The following KATNAL2 variants were observed in gnomAD, a reference collection of about 807,000 sequenced individuals.
The protein encoded by KATNAL2 is katanin p60 ATPase-containing subunit A-like 2.
Under a neutral mutation model 76.3 loss-of-function variants are expected in KATNAL2, and 52 were observed. That is an observed-to-expected ratio of 0.68 (90% CI 0.55 to 0.86). KATNAL2 has a LOEUF of 0.86. Ranked by LOEUF, KATNAL2 falls within the 40% of genes least tolerant of loss-of-function variation. The pLI is 0.00. For synonymous variants in KATNAL2, 243 were observed against 244.2 expected (o/e 1.00, Z 0.05); for missense variants, 660 against 668.9 (o/e 0.99, Z 0.15).
In KATNAL2 at chr18:47,064,504, C is replaced by T. The variant is rs1214844938; in HGVS notation, c.726+1143C>T. 2.0e-5 allele frequency among the ~76,000 whole-genome samples: 3 copies of T among 152,080 alleles called. No individual in the cohort carries two copies. The East Asian group carries it at 5.8e-4, about 30-fold the overall frequency. ...GAAGAGGGGACCTTAGAAAGGCGCC[C>T]GTCGGAGGATGGGATCATCCCATGT... On this transcript the variant is annotated intron_variant, in intron 10 of 17. Transcript: ENST00000683218.
Position 47,059,606 on chromosome 18 carries a change from A to G in KATNAL2, c.501A>G (p.Ile167Met). ...RLESANFGLH[I>M]SRIRKDSGEE... Reference sequence around the variant, plus strand: ...AAAGTGCCAACTTCGGCCTACATATATCAAGAATCCGTAAAGACAGTGGAG... The same window carrying G: ...AAAGTGCCAACTTCGGCCTACATATGTCAAGAATCCGTAAAGACAGTGGAG... Residue 167 changes from isoleucine (I) to methionine (M), a missense_variant, in exon 8 of 18, where the codon ATA (isoleucine) becomes ATG (methionine). Transcript: ENST00000683218. 1 of 1,613,788 alleles carries G rather than the reference A, an allele frequency of 6.2e-7. No individual in the cohort carries two copies. Among genetic ancestry groups the G allele is most frequent in the East Asian group, 2.2e-5 (1 of 44,876 alleles).
intron 3 of KATNAL2, chr18:47,034,039 T>A: frequency 6.2e-7 from 1 of 1,614,218 alleles, no homozygotes; most frequent in Non-Finnish European, 8.5e-7. Context: ...CCTTTGTTTA[T>A]CTCCAAGTGC....
At position 46,948,426 on chromosome 18, in the gene KATNAL2, CT is replaced by C. The variant is rs11400104; in HGVS notation, c.51+1518del. ...CATGCCTGGCCGACTTCTTCTTCTT[CT>C]TTTTTTTTTTTTTTGAGTCGGAGTT... On this transcript the variant is annotated intron_variant, in intron 3 of 17. Coordinates refer to ENST00000683218, the MANE Select transcript of KATNAL2 (RefSeq NM_001387690.1). 8.5e-3 allele frequency among the ~76,000 whole-genome samples: 1,159 copies of C among 136,186 alleles called. 5 individuals carry two copies. Among genetic ancestry groups the C allele is most frequent in the African/African-American group, 0.024 (908 of 37,084 alleles). The allele number at this position is 136,186 out of a possible 152,430, so 89.3% of individuals were successfully genotyped here. A position where few individuals can be genotyped will look rare whatever the true frequency, so the allele number is the denominator to read the frequency against.
chr18:47,100,784 AAAG>A (rs2063423281), intron 17 of KATNAL2, 79 bp from the exon 18 acceptor site: 3 of 1,506,134 alleles, frequency 2.0e-6, no homozygotes, highest in Non-Finnish European at 2.8e-6. Flanking sequence ...CATTATTTTG[AAAG>A]AAGGTCTATT....
intron 15 of KATNAL2, among the ~76,000 whole-genome samples, chr18:47,096,943 GCATGGTTAA>G (rs1405376010): frequency 6.6e-6 from 1 of 151,898 alleles, no homozygotes; most frequent in Non-Finnish European, 1.5e-5. Flanking sequence ...TTCAAGACCA[GCATGGTTAA>G]CATGGTGAAA....
chr18:46,946,366 G>A lies in KATNAL2; in HGVS notation c.-200G>A. 1 of 1,026,482 alleles carries A rather than the reference G, an allele frequency of 9.7e-7. No individual in the cohort carries two copies. The highest frequency in any genetic ancestry group is 1.2e-6 in the Non-Finnish European group (1 of 853,086). The allele number at this position is 1,026,482 out of a possible 1,614,324, so 63.6% of individuals were successfully genotyped here. A position where few individuals can be genotyped will look rare whatever the true frequency, so the allele number is the denominator to read the frequency against. ...GCTCTTGACAACCAAAGTGTCCACA[G>A]CAGATTCGTCCAGTCTAGATAGACC... On this transcript the variant is annotated 5_prime_UTR_variant, in exon 2 of 18. Transcript: ENST00000683218.
At chr18:47,033,086 T>G in intron 3 of KATNAL2, 2 of 1,614,044 alleles carry the variant, frequency 1.2e-6, no homozygotes, top group Non-Finnish European at 1.7e-6. Context: ...TGTTTCCGGG[T>G]TTTGGCCGCG....
intron 1 of KATNAL2, among the ~76,000 whole-genome samples, chr18:46,942,398 C>T (rs576630132): frequency 2.6e-5 from 4 of 152,252 alleles, no homozygotes; most frequent in South Asian, 2.1e-4. Flanking sequence ...GGGCGGATCA[C>T]GAGGTCAGGA....
At chr18:46,920,666 A>G (rs996781210) in intron 1 of KATNAL2, among the ~76,000 whole-genome samples, 7 of 152,212 alleles carry the variant, frequency 4.6e-5, no homozygotes, top group African/African-American at 1.7e-4. Flanking sequence ...ATAATCATTC[A>G]ATATATGTTC....
At chr18:47,035,681 G>A (rs1387330925) in intron 3 of KATNAL2, 2 of 318,938 alleles carry the variant, frequency 6.3e-6, no homozygotes, top group Non-Finnish European at 1.2e-5. Context: ...GCAGACAATC[G>A]GGACGGTCCA....
chr18:46,961,057 A>T (rs1031538010), intron 3 of KATNAL2, among the ~76,000 whole-genome samples: 1 of 152,264 alleles, frequency 6.6e-6, no homozygotes, highest in Non-Finnish European at 1.5e-5. Flanking sequence ...GGCTACATGC[A>T]TTAGCTAATA....
chr18:47,088,004 C>G (rs2062848151), intron 15 of KATNAL2, among the ~76,000 whole-genome samples: 1 of 152,142 alleles, frequency 6.6e-6, no homozygotes, highest in Non-Finnish European at 1.5e-5. Context: ...ACACCTTTTC[C>G]CACTACCATG....
At chr18:46,952,740 T>C (rs72919238) in intron 3 of KATNAL2, among the ~76,000 whole-genome samples, 1,698 of 152,034 alleles carry the variant, frequency 0.011, 18 homozygotes, top group Non-Finnish European at 0.017. Context: ...CCTTTTTCAC[T>C]GTATCCTGTT....
chr18:47,084,915 T>C (rs2062706075), intron 15 of KATNAL2, among the ~76,000 whole-genome samples: 1 of 138,932 alleles, frequency 7.2e-6, no homozygotes, highest in Non-Finnish European at 1.5e-5. Flanking sequence ...TACCTGAGTC[T>C]AGAATCTGGA....
At chr18:47,060,575 A>G (rs773994301) in intron 8 of KATNAL2, among the ~76,000 whole-genome samples, 11 of 152,230 alleles carry the variant, frequency 7.2e-5, no homozygotes, top group Non-Finnish European at 1.5e-4. Context: ...GAATTGCACC[A>G]TATTGCTCTT....
intron 1 of KATNAL2, among the ~76,000 whole-genome samples, chr18:46,933,649 T>A (rs2058999951): frequency 6.6e-6 from 1 of 152,040 alleles, no homozygotes; most frequent in Non-Finnish European, 1.5e-5. Flanking sequence ...AAAATTTTAT[T>A]ATTATTATAC....
intron 1 of KATNAL2, among the ~76,000 whole-genome samples, chr18:46,926,452 G>C (rs1035708678): frequency 3.3e-5 from 5 of 152,168 alleles, no homozygotes; most frequent in African/African-American, 1.2e-4. Flanking sequence ...CTGAGAGACA[G>C]TTTGTTATAA....
intron 3 of KATNAL2, among the ~76,000 whole-genome samples, chr18:46,961,373 C>T (rs1057102339): frequency 6.6e-6 from 1 of 152,194 alleles, no homozygotes; most frequent in African/African-American, 2.4e-5. Flanking sequence ...GGGGAGTTCT[C>T]ACTTTCATCA....
chr18:47,059,527 C>T (rs768593221), intron 7 of KATNAL2, 29 bp from the exon 8 acceptor site: 1 of 1,499,392 alleles, frequency 6.7e-7, no homozygotes. Context: ...CTGCTCACAG[C>T]CGATGTGTCC....
Sources: gnomAD v4.1 joint callset for allele counts (sites outside exome capture counted in the v4.1 genomes callset) on GRCh38, gnomAD v4.1.1 for gene constraint, MANE v1.5 for transcripts, NCBI Gene and HGNC (gene_info 2026-07-23, HGNC 2026-07-21) for gene names.